Variants in NLGN1 observed in about 807,000 individuals in gnomAD.
NLGN1 encodes the protein neuroligin 1, also known as neuroligin-1.
A neutral mutation model predicts 65.5 loss-of-function variants in NLGN1; 12 were observed. The observed-to-expected ratio is 0.18, with a 90% CI of 0.12 to 0.30. The LOEUF is 0.30. NLGN1 is among the 10% of genes least tolerant of loss of function. The pLI, the probability that NLGN1 is intolerant of heterozygous loss-of-function variation, is 1.00. For synonymous variants in NLGN1, 350 were observed against 359.5 expected (o/e 0.97, Z 0.30); for missense variants, 750 against 1,007.1 (o/e 0.74, Z 3.46).
chr3:173,433,967 T>C (rs1346693595), intron 1 of NLGN1, among the ~76,000 whole-genome samples: 1 of 152,116 alleles, frequency 6.6e-6, no homozygotes, highest in African/African-American at 2.4e-5. Flanking sequence ...TATAGAAGAG[T>C]GAGGCCCTTT....
At chr3:173,750,502 AT>A (rs1776171595) in intron 3 of NLGN1, among the ~76,000 whole-genome samples, 1 of 152,126 alleles carries the variant, frequency 6.6e-6, no homozygotes, top group Non-Finnish European at 1.5e-5. Flanking sequence ...ATTTAACAAA[AT>A]GTAACAAAAC....
At chr3:174,022,580 A>C (rs942323568) in intron 4 of NLGN1, among the ~76,000 whole-genome samples, 8 of 152,216 alleles carry the variant, frequency 5.3e-5, no homozygotes, top group Non-Finnish European at 8.8e-5. Context: ...CAAGATACAT[A>C]CGCCAACAGG....
intron 3 of NLGN1, among the ~76,000 whole-genome samples, chr3:173,806,674 CAGTT>C (rs1380690128): frequency 9.2e-5 from 14 of 152,124 alleles, no homozygotes; most frequent in South Asian, 2.1e-4. Flanking sequence ...CTGATATACA[CAGTT>C]AGGCTTATCT....
intron 4 of NLGN1, among the ~76,000 whole-genome samples, chr3:174,149,375 C>T (rs1332029932): frequency 6.6e-6 from 1 of 152,140 alleles, no homozygotes; most frequent in East Asian, 1.9e-4. Flanking sequence ...CTTTCTTCTT[C>T]TGACTTCTGC....
At chr3:173,528,549 TTTC>T (rs1432655985) in intron 2 of NLGN1, among the ~76,000 whole-genome samples, 2 of 152,202 alleles carry the variant, frequency 1.3e-5, no homozygotes, top group Admixed American at 6.5e-5. Context: ...TTTCTTAGTT[TTTC>T]TTCTTCTCTC....
chr3:173,958,794 G>C (rs1288223580), intron 4 of NLGN1, among the ~76,000 whole-genome samples: 3 of 152,212 alleles, frequency 2.0e-5, no homozygotes, highest in Non-Finnish European at 4.4e-5. Context: ...CATGCTGAGA[G>C]ATGCCTGCAG....
At chr3:173,803,060 C>T (rs1468548082) in intron 3 of NLGN1, among the ~76,000 whole-genome samples, 1 of 151,896 alleles carries the variant, frequency 6.6e-6, no homozygotes, top group Non-Finnish European at 1.5e-5. Context: ...AGGCTGGTCT[C>T]GAACTCCTGA....
At chr3:173,813,350 A>T (rs1718372771) in intron 4 of NLGN1, among the ~76,000 whole-genome samples, 1 of 152,232 alleles carries the variant, frequency 6.6e-6, no homozygotes, top group Non-Finnish European at 1.5e-5. Flanking sequence ...TCATATATTT[A>T]AGAGTAATAT....
intron 4 of NLGN1, among the ~76,000 whole-genome samples, chr3:174,095,579 C>G (rs1010284763): frequency 6.6e-6 from 1 of 150,786 alleles, no homozygotes; most frequent in East Asian, 1.9e-4. Context: ...TGTATATGTA[C>G]ATATATAAAT....
chr3:174,001,769 G>A (rs745399702), intron 4 of NLGN1, among the ~76,000 whole-genome samples: 8 of 152,118 alleles, frequency 5.3e-5, no homozygotes, highest in Non-Finnish European at 8.8e-5. Flanking sequence ...TGGTGACAAG[G>A]AAATGGGATG....
intron 4 of NLGN1, among the ~76,000 whole-genome samples, chr3:174,076,704 AGAGAGAGAGAGAGAGAGAGAGTGTGT>A (rs1362055456): frequency 1.4e-5 from 2 of 145,612 alleles, no homozygotes; most frequent in African/African-American, 5.3e-5. Context: ...AGAGAGAGAG[AGAGAGAGAGAGAGAGAGAGAGTGTGT>A]GTGTGTGTGT....
chr3:174,122,743 A>G (rs1392960381), intron 4 of NLGN1, among the ~76,000 whole-genome samples: 1 of 152,082 alleles, frequency 6.6e-6, no homozygotes, highest in African/African-American at 2.4e-5. Flanking sequence ...ATGGAAAATC[A>G]TTTCCTACCC....
chr3:173,650,635 A>G (rs1415903497), intron 3 of NLGN1, among the ~76,000 whole-genome samples: 1 of 152,128 alleles, frequency 6.6e-6, no homozygotes, highest in Non-Finnish European at 1.5e-5. Flanking sequence ...TTCTTGTTTC[A>G]TTTGGAACTT....
chr3:174,100,982 A>C (rs1159725841), intron 4 of NLGN1, among the ~76,000 whole-genome samples: 1 of 152,076 alleles, frequency 6.6e-6, no homozygotes, highest in African/African-American at 2.4e-5. Flanking sequence ...AGCAAGTACG[A>C]GGCCAAGAGC....
intron 4 of NLGN1, among the ~76,000 whole-genome samples, chr3:174,054,279 T>A (rs993231556): frequency 4.6e-5 from 7 of 152,026 alleles, no homozygotes; most frequent in Non-Finnish European, 1.0e-4. Flanking sequence ...AATTGCTACA[T>A]GGAGACTCTT....
intron 2 of NLGN1, among the ~76,000 whole-genome samples, chr3:173,472,148 C>T (rs59635321): frequency 6.6e-6 from 1 of 152,084 alleles, no homozygotes; most frequent in African/African-American, 2.4e-5. Flanking sequence ...ATTCTCAGTT[C>T]TCAAACACAG....
At chr3:174,246,821 GT>G (rs1743878694) in intron 4 of NLGN1, among the ~76,000 whole-genome samples, 1 of 152,098 alleles carries the variant, frequency 6.6e-6, no homozygotes, top group African/African-American at 2.4e-5. Flanking sequence ...GGGAAAATTG[GT>G]CTTGATAATC....
intron 3 of NLGN1, among the ~76,000 whole-genome samples, chr3:173,776,567 G>A (rs1426914352): frequency 2.0e-5 from 3 of 151,942 alleles, no homozygotes; most frequent in African/African-American, 2.4e-5. Flanking sequence ...TGGGAAACTC[G>A]ATTTAATTAC....
At chr3:173,479,487 A>G (rs1031120573) in intron 2 of NLGN1, among the ~76,000 whole-genome samples, 1 of 152,204 alleles carries the variant, frequency 6.6e-6, no homozygotes, top group African/African-American at 2.4e-5. Flanking sequence ...GTGCTAGCTT[A>G]ATTTTGTAGA....
Sources: gnomAD v4.1 joint callset for allele counts (sites outside exome capture counted in the v4.1 genomes callset) on GRCh38, gnomAD v4.1.1 for gene constraint, MANE v1.5 for transcripts, NCBI Gene and HGNC (gene_info 2026-07-23, HGNC 2026-07-21) for gene names.